The following ZNF606 variants were observed in gnomAD, a reference collection of about 807,000 sequenced individuals.
ZNF606 encodes zinc finger protein 606, also known as zinc finger protein 328.
Under a neutral mutation model 74.9 loss-of-function variants are expected in ZNF606, and 37 were observed. The observed-to-expected ratio is 0.49, with a 90% CI of 0.38 to 0.65. The LOEUF (loss-of-function observed/expected upper bound fraction) is 0.65, where lower values mean the gene tolerates loss of function less well. Among genes scored for constraint, ZNF606 ranks in the 30% least tolerant of loss-of-function variants. The pLI, the probability that ZNF606 is intolerant of heterozygous loss-of-function variation, is 0.00. For synonymous variants in ZNF606, 328 were observed against 312.4 expected, an observed-to-expected ratio of 1.05 and a Z score of -0.53; for missense variants, 852 against 952.9, an observed-to-expected ratio of 0.89 and a Z score of 1.39.
intron 4 of ZNF606, among the ~76,000 whole-genome samples, chr19:57,993,426 C>T (rs916732654): frequency 1.3e-5 from 2 of 152,078 alleles, no homozygotes; most frequent in Admixed American, 6.6e-5. Context: ...CCACTTATTC[C>T]TCCAAGAGGC....
chr19:57,980,508 GTACT>G (rs2073069044), intron 6 of ZNF606, among the ~76,000 whole-genome samples: 1 of 152,126 alleles, frequency 6.6e-6, no homozygotes, highest in Admixed American at 6.6e-5. Context: ...CCATTTAAAA[GTACT>G]TTCCATGAAA....
Position 57,979,228 on chromosome 19 carries a change from A to G in ZNF606, c.1452T>C (p.Tyr484=), listed in dbSNP as rs200806650. 160 of 1,613,842 alleles carry G rather than the reference A, an allele frequency of 9.9e-5. No homozygotes were observed. Among genetic ancestry groups the G allele is most frequent in the Non-Finnish European group, 1.3e-4 (155 of 1,179,926 alleles). The change falls in exon 7 of 7, where the codon TAT becomes TAC. Residue 484 remains tyrosine (Y), a synonymous_variant. Coordinates refer to ENST00000551380, the MANE Select transcript of ZNF606 (RefSeq NM_001348022.3). ...HKRIHTGEKP[Y]VCNECGKSFN... is the part of the protein sequence containing the mutation. Reference sequence around the variant, plus strand: ...AAGATTTCCCACACTCATTACAAACATAAGGTTTTTCTCCTGTATGAATTC... The same window carrying G: ...AAGATTTCCCACACTCATTACAAACGTAAGGTTTTTCTCCTGTATGAATTC...
In ZNF606 at chr19:58,002,746, T is replaced by C. The variant is rs776565146; in HGVS notation, c.-402A>G. The C allele has an allele frequency of 2.9e-5, 13 of 453,866 alleles. No homozygotes were observed. Among genetic ancestry groups the C allele is most frequent in the South Asian group, 2.0e-4 (13 of 64,472 alleles). 28.1% of individuals were successfully genotyped at this position (453,866 alleles called of 1,614,324 possible). A position where few individuals can be genotyped will look rare whatever the true frequency, so the allele number is the denominator to read the frequency against. On this transcript the variant is annotated 5_prime_UTR_variant, in exon 1 of 7. Coordinates refer to ENST00000551380, the MANE Select transcript of ZNF606 (RefSeq NM_001348022.3). ...CTCCTGACCCCCCAAGCCCCGCAGCTACGGCGGCCCCACAGCCTGAGCAAA... is the reference window on the plus strand; with the variant it reads ...CTCCTGACCCCCCAAGCCCCGCAGCCACGGCGGCCCCACAGCCTGAGCAAA...
chr19:58,000,000 G>A, intron 3 of ZNF606, 104 bp from the exon 4 acceptor site: 1 of 958,596 alleles, frequency 1.0e-6, no homozygotes, highest in Non-Finnish European at 1.5e-6. Context: ...CCTTGAATGA[G>A]GAAAGAGACC....
chr19:58,002,073 G>A (rs1157901087), intron 1 of ZNF606: 2 of 427,004 alleles, frequency 4.7e-6, no homozygotes, highest in Admixed American at 4.9e-5. Context: ...AACACACAGT[G>A]GGCCTCAGGA....
rs367634149 is a variant in ZNF606, at chr19:57,988,293, A to G, written c.314T>C (p.Ile105Thr). The G allele has an allele frequency of 1.1e-5, 17 of 1,613,858 alleles. No individual in the cohort carries two copies. The African/African-American group carries it at 1.2e-4, about 11-fold the overall frequency. Residue 105 changes from isoleucine to threonine, a missense_variant, in exon 6 of 7, where the codon ATT becomes ACT. Coordinates refer to ENST00000551380, the MANE Select transcript of ZNF606 (RefSeq NM_001348022.3). ...YGHLLSVGNQ[I>T]AKPEVISLLE... ...CAGGGAGATGACCTCAGGCTTGGCA[A>G]TCTGATTTCCTATGCATGGAGGAAA...
Position 57,988,609 on chromosome 19 carries a change from T to TGACC in ZNF606, c.286_289dup (p.His97ArgfsTer14), listed in dbSNP as rs1250886826. 6.2e-7 allele frequency: 1 copy of TGACC among 1,613,750 alleles called. No individual in the cohort carries two copies. The highest frequency in any genetic ancestry group is 8.5e-7 in the Non-Finnish European group (1 of 1,179,766). ...ACCTGCCTTACCCACAGAGAGCAGG[T>TGACC]GACCATAGGTCTCCAGCATCACATC... On this transcript the variant is annotated frameshift_variant, in exon 5 of 7. Transcript: ENST00000551380. LOFTEE classifies it high-confidence loss of function.
chr19:58,002,352 G>C (rs2073447301), intron 1 of ZNF606, 44 bp downstream of exon 1: 1 of 456,602 alleles, frequency 2.2e-6, no homozygotes, highest in East Asian at 6.9e-5. Flanking sequence ...TCCTCCTCAA[G>C]ACCGACGCGG....
chr19:58,000,632 A>T (rs374008675), intron 3 of ZNF606, 51 bp downstream of exon 3: 1 of 1,597,340 alleles, frequency 6.3e-7, no homozygotes, highest in African/African-American at 1.3e-5. Flanking sequence ...AGAGCACTAC[A>T]GCCAGAGGCC....
chr19:57,980,784 A>G (rs532107353), intron 6 of ZNF606, among the ~76,000 whole-genome samples: 5 of 149,868 alleles, frequency 3.3e-5, no homozygotes, highest in South Asian at 2.1e-4. Context: ...GCAGTGAGCC[A>G]AGATCGCGCC....
chr19:58,001,278 C>T lies in ZNF606; in HGVS notation c.31+11G>A, dbSNP rs759858536. The stretch of plus-strand genomic sequence containing the variant: ...TAGGGGAGGCCCAGGAGAAACACAA[C>T]TTGGACTCACCCCAGGAGGCCCACG... On this transcript the variant is annotated intron_variant, in intron 2 of 6. Coordinates refer to ENST00000551380, the MANE Select transcript of ZNF606 (RefSeq NM_001348022.3). 1.2e-6 allele frequency: 2 copies of T among 1,610,764 alleles called. No individual in the cohort carries two copies. Among genetic ancestry groups the T allele is most frequent in the African/African-American group, 1.3e-5 (1 of 74,580 alleles).
chr19:57,999,284 C>T (rs1206291776), intron 4 of ZNF606: 1 of 155,012 alleles, frequency 6.5e-6, no homozygotes, highest in East Asian at 1.9e-4. Flanking sequence ...TCTCCCGACT[C>T]ATCAGGTGAC....
chr19:58,002,281 G>A (rs1488614095), intron 1 of ZNF606, 115 bp downstream of exon 1: 1 of 456,744 alleles, frequency 2.2e-6, no homozygotes, highest in Non-Finnish European at 4.4e-6. Context: ...GGGGTTATTC[G>A]TCCCATCAAT....
intron 2 of ZNF606, 111 bp downstream of exon 2, chr19:58,001,178 T>C (rs749902869): frequency 8.4e-6 from 11 of 1,305,324 alleles, no homozygotes; most frequent in African/African-American, 4.4e-5. Flanking sequence ...TGTACCAAGA[T>C]AGACAGACCC....
Position 57,979,315 on chromosome 19 carries a change from G to T in ZNF606, c.1365C>A (p.Pro455=). The change falls in exon 7 of 7, where the codon CCC becomes CCA. Residue 455 remains proline, a synonymous_variant. Transcript: ENST00000551380. ...KHERTHTGIK[P]YECNKCGKAF... is the part of the protein sequence containing the mutation. ...CTTTTCCACATTTATTACATTCATA[G>T]GGTTTTATTCCAGTGTGAGTCCGTT... 1 of 1,613,966 alleles carries T rather than the reference G, an allele frequency of 6.2e-7. No homozygotes were observed. Among genetic ancestry groups the T allele is most frequent in the Non-Finnish European group, 8.5e-7 (1 of 1,179,988 alleles).
chr19:57,985,126 A>G (rs1311958201), intron 6 of ZNF606, among the ~76,000 whole-genome samples: 1 of 152,060 alleles, frequency 6.6e-6, no homozygotes, highest in Non-Finnish European at 1.5e-5. Flanking sequence ...ACAACAACAA[A>G]AACACAAAAA....
intron 4 of ZNF606, among the ~76,000 whole-genome samples, chr19:57,995,149 C>A (rs1249133105): frequency 6.8e-6 from 1 of 146,556 alleles, no homozygotes; most frequent in Non-Finnish European, 1.5e-5. Context: ...GAGATGGCAC[C>A]ACTGCACTGC....
At chr19:57,992,920 G>GA (rs2073281539) in intron 4 of ZNF606, among the ~76,000 whole-genome samples, 1 of 152,200 alleles carries the variant, frequency 6.6e-6, no homozygotes. Context: ...TAGAACCTGT[G>GA]ACTGTTATCT....
chr19:58,002,338 A>G, intron 1 of ZNF606, 58 bp downstream of exon 1: 1 of 456,650 alleles, frequency 2.2e-6, no homozygotes, highest in Non-Finnish European at 4.4e-6. Flanking sequence ...TCCCGACCCA[A>G]ATTTCCTCCT....
Sources: allele counts gnomAD v4.1 joint callset (sites outside exome capture counted in the v4.1 genomes callset), GRCh38; gene constraint gnomAD v4.1.1; transcripts MANE v1.5; gene names NCBI Gene and HGNC (gene_info 2026-07-23, HGNC 2026-07-21).